Variants in FSD1L observed in about 807,000 individuals in gnomAD.
FSD1L encodes fibronectin type III and SPRY domain containing 1 like.
Under a neutral mutation model 71.6 loss-of-function variants are expected in FSD1L, and 45 were observed. That is an observed-to-expected ratio of 0.63 (90% CI 0.49 to 0.81). FSD1L has a LOEUF of 0.81. Ranked by LOEUF, FSD1L falls within the 30% of genes least tolerant of loss-of-function variation. The probability of loss-of-function intolerance (pLI) is 0.00; values close to 1 mark genes in which losing one functional copy is unlikely to be tolerated. For synonymous variants in FSD1L, 197 were observed against 207.2 expected (o/e 0.95, Z 0.42); for missense variants, 561 against 618.1 (o/e 0.91, Z 0.98).
chr9:105,505,185 AT>A (rs1346492029), intron 7 of FSD1L, among the ~76,000 whole-genome samples: 2 of 152,164 alleles, frequency 1.3e-5, no homozygotes. Context: ...CCGCTTATTC[AT>A]CTCTTATATC....
chr9:105,494,784 G>A (rs895497141), intron 7 of FSD1L, among the ~76,000 whole-genome samples: 1 of 152,172 alleles, frequency 6.6e-6, no homozygotes, highest in African/African-American at 2.4e-5. Context: ...CTGTTTGCCT[G>A]GGTACCAGCA....
chr9:105,487,842 C>G (rs1240955329), intron 7 of FSD1L, among the ~76,000 whole-genome samples: 1 of 152,136 alleles, frequency 6.6e-6, no homozygotes, highest in Non-Finnish European at 1.5e-5. Context: ...CACATATTTT[C>G]TTACATTTGT....
In FSD1L at chr9:105,501,035, T is replaced by C. The variant is rs139953319; in HGVS notation, c.587-5364T>C. Reference sequence around the variant, plus strand: ...AAGCCAGTGTTGTAAAGGGAATCCATTCATCAGAAGATATTGACCAGTGCT... The same window carrying C: ...AAGCCAGTGTTGTAAAGGGAATCCACTCATCAGAAGATATTGACCAGTGCT... On this transcript the variant is annotated intron_variant, in intron 7 of 13. Coordinates refer to ENST00000481272, the MANE Select transcript of FSD1L (RefSeq NM_001145313.3). Among the ~76,000 whole-genome samples, 115 of 152,328 alleles carry C rather than the reference T, an allele frequency of 7.5e-4. No homozygotes were observed. The Middle Eastern group carries it at 0.014, about 18-fold the overall frequency.
rs1836456666 is a variant in FSD1L at position 105,539,242 on chromosome 9, CT to C, written c.1379-14del. 6 of 1,167,944 alleles carry C rather than the reference CT, an allele frequency of 5.1e-6. No individual in the cohort carries two copies. The highest frequency in any genetic ancestry group is 2.6e-5 in the Admixed American group (1 of 38,180). The allele number at this position is 1,167,944 out of a possible 1,614,324, so 72.3% of individuals were successfully genotyped here. A position where few individuals can be genotyped will look rare whatever the true frequency, so the allele number is the denominator to read the frequency against. ...ACAATTTTTTGTATAATAAATTAGG[CT>C]TTTTTTCCTTCTTTTTTAGGTCAAC... On this transcript the variant is annotated intron_variant, in intron 12 of 13. Coordinates refer to ENST00000481272, the MANE Select transcript of FSD1L (RefSeq NM_001145313.3).
chr9:105,533,314 A>G (rs946972854), intron 10 of FSD1L, among the ~76,000 whole-genome samples: 3 of 151,418 alleles, frequency 2.0e-5, no homozygotes, highest in East Asian at 1.9e-4. Flanking sequence ...ATAATTTGAT[A>G]TAAGAGGAAG....
At position 105,535,159 on chromosome 9, in the gene FSD1L, T is replaced by G; in HGVS notation, c.1219T>G (p.Leu407Val). Residue 407 changes from leucine (L) to valine (V), a missense_variant, in exon 12 of 14, where the codon TTG becomes GTG. This residue lies in a region of FSD1L where 53 missense variants were observed against 102.2 expected (regional missense o/e 0.52). Coordinates refer to ENST00000481272, the MANE Select transcript of FSD1L (RefSeq NM_001145313.3). ...CAGTGTGGGAGTAGCATACAAAACG[T>G]TGGGGAAATTTGACCAATTGGGAAA... The part of the protein sequence containing the change: ...SYSVGVAYKT[L>V]GKFDQLGKTN... The G allele has an allele frequency of 6.4e-7, 1 of 1,551,944 alleles. No homozygotes were observed.
intron 1 of FSD1L, among the ~76,000 whole-genome samples, chr9:105,452,080 T>C (rs1374034383): frequency 6.6e-6 from 1 of 152,046 alleles, no homozygotes; most frequent in Non-Finnish European, 1.5e-5. Context: ...CAAAACTAGA[T>C]TGGGGAGATT....
chr9:105,514,542 G>A lies in FSD1L; in HGVS notation c.1025+1606G>A, dbSNP rs537321786. ...TATGTACAAGTAGCAATAATGCAAG[G>A]TAGACATATGTAGAATTGTAAGTGT... On this transcript the variant is annotated intron_variant, in intron 10 of 13. Coordinates refer to ENST00000481272, the MANE Select transcript of FSD1L (RefSeq NM_001145313.3). Among the ~76,000 whole-genome samples, 6 of 152,320 alleles carry A rather than the reference G, an allele frequency of 3.9e-5. No individual in the cohort carries two copies. In the South Asian group the frequency reaches 8.3e-4, roughly 21 times the overall value.
intron 1 of FSD1L, 24 bp from the exon 2 acceptor site, chr9:105,461,496 T>G: frequency 7.6e-7 from 1 of 1,313,052 alleles, no homozygotes; most frequent in Non-Finnish European, 1.0e-6. Context: ...TGCTATTGGC[T>G]CCTACTGTAT....
chr9:105,529,585 A>T (rs1835760829), intron 10 of FSD1L, among the ~76,000 whole-genome samples: 1 of 151,916 alleles, frequency 6.6e-6, no homozygotes, highest in African/African-American at 2.4e-5. Context: ...GAACGCGTGG[A>T]CACAGAGAGG....
At chr9:105,503,259 T>A (rs1043374622) in intron 7 of FSD1L, among the ~76,000 whole-genome samples, 2 of 152,128 alleles carry the variant, frequency 1.3e-5, no homozygotes. Context: ...TTCTGTAGCA[T>A]AAAAATTTTC....
chr9:105,507,933 C>T lies in FSD1L; in HGVS notation c.797-684C>T, dbSNP rs376077317. Among the ~76,000 whole-genome samples, 477 of 142,556 alleles carry T rather than the reference C, an allele frequency of 3.3e-3. 4 individuals carry two copies. The highest frequency in any genetic ancestry group is 0.012 in the African/African-American group (450 of 37,750). 93.5% of individuals were successfully genotyped at this position (142,556 alleles called of 152,430 possible). A position where few individuals can be genotyped will look rare whatever the true frequency, so the allele number is the denominator to read the frequency against. On this transcript the variant is annotated intron_variant, in intron 8 of 13. Coordinates refer to ENST00000481272, the MANE Select transcript of FSD1L (RefSeq NM_001145313.3). ...TGAGACAGAGTTTCACTCTTGTTGT[C>T]CAGGCTGGAGTGCAATTGCACGATC...
At chr9:105,530,580 A>C in intron 10 of FSD1L, 1 of 693,226 alleles carries the variant, frequency 1.4e-6, no homozygotes, top group Non-Finnish European at 2.6e-6. Context: ...TGCTAAGTGA[A>C]ATTTTTCTCT....
intron 10 of FSD1L, chr9:105,520,570 C>T (rs1328023568): frequency 9.5e-6 from 13 of 1,363,738 alleles, no homozygotes; most frequent in African/African-American, 1.4e-5. Flanking sequence ...ATGGCAGTTT[C>T]ATAATATTGG....
chr9:105,474,914 T>A (rs1252130878), intron 5 of FSD1L, among the ~76,000 whole-genome samples: 1 of 152,218 alleles, frequency 6.6e-6, no homozygotes, highest in Non-Finnish European at 1.5e-5. Context: ...CAAAAAGATT[T>A]TAGAACATAC....
chr9:105,530,633 C>T, intron 10 of FSD1L: 1 of 668,742 alleles, frequency 1.5e-6, no homozygotes, highest in Non-Finnish European at 2.7e-6. Context: ...CCCTGAGTTA[C>T]TTGGGAAATA....
chr9:105,520,808 C>T, intron 10 of FSD1L: 1 of 1,612,288 alleles, frequency 6.2e-7, no homozygotes, highest in Non-Finnish European at 8.5e-7. Flanking sequence ...AAACTCAAGT[C>T]ACTATAGAAG....
At chr9:105,510,482 C>A (rs2131372305) in intron 9 of FSD1L, among the ~76,000 whole-genome samples, 1 of 152,204 alleles carries the variant, frequency 6.6e-6, no homozygotes, top group East Asian at 1.9e-4. Flanking sequence ...CTTGTTGCAG[C>A]CTTTTTCAAC....
chr9:105,503,412 G>A (rs1833883426), intron 7 of FSD1L, among the ~76,000 whole-genome samples: 2 of 152,110 alleles, frequency 1.3e-5, no homozygotes, highest in Admixed American at 1.3e-4. Flanking sequence ...AAGTGACGAT[G>A]ATCAATGACA....
Sources: allele counts gnomAD v4.1 joint callset (sites outside exome capture counted in the v4.1 genomes callset), GRCh38; gene constraint gnomAD v4.1.1; regional missense constraint gnomAD v4.1.1; transcripts MANE v1.5; gene names NCBI Gene and HGNC (gene_info 2026-07-23, HGNC 2026-07-21).